ADAM28: variants seen among roughly 807,000 people sequenced by gnomAD.
ADAM28 encodes disintegrin and metalloproteinase domain-containing protein 28.
ADAM28 carries 105 observed loss-of-function variants against 101.2 expected under a neutral mutation model. That is an observed-to-expected ratio of 1.04 (90% CI 0.89 to 1.22). ADAM28 has a LOEUF of 1.22. ADAM28 is among the 50% of genes most tolerant of loss of function. The probability of loss-of-function intolerance (pLI) is 0.00; values close to 1 mark genes in which losing one functional copy is unlikely to be tolerated. For synonymous variants in ADAM28, 322 were observed against 310.6 expected, an observed-to-expected ratio of 1.04 and a Z score of -0.39; for missense variants, 1,028 against 945.4, an observed-to-expected ratio of 1.09 and a Z score of -1.15.
At chr8:24,353,724 G>A in intron 21 of ADAM28, 46 bp from the exon 22 acceptor site, 2 of 1,171,684 alleles carry the variant, frequency 1.7e-6, no homozygotes, top group Non-Finnish European at 2.6e-6. Flanking sequence ...GATGGGACAA[G>A]CATAGCATTT....
intron 5 of ADAM28, among the ~76,000 whole-genome samples, chr8:24,312,746 C>CT (rs144940431): frequency 0.014 from 2,067 of 152,102 alleles, 50 homozygotes; most frequent in African/African-American, 0.047. Flanking sequence ...TTTATTTTTG[C>CT]TGTCTACCCT....
At position 24,335,496 on chromosome 8, in the gene ADAM28, G is replaced by T. The variant is rs775361152; in HGVS notation, c.1422G>T (p.Leu474=). Residue 474 remains leucine (L), a synonymous_variant, in exon 14 of 23, where the codon CTG becomes CTT. Transcript: ENST00000265769. ...VCRPAKDECD[L]PEMCNGKSGN... ...GACCAGCAAAAGATGAGTGCGACCT[G>T]CCTGAAATGTGTAATGGTAAATCTG... 4.3e-6 allele frequency: 7 copies of T among 1,614,142 alleles called. No homozygotes were observed. In the Admixed American group the frequency reaches 1.0e-4, roughly 23 times the overall value.
At chr8:24,349,604 TTATC>T (rs1379385867) in intron 18 of ADAM28, among the ~76,000 whole-genome samples, 2 of 152,220 alleles carry the variant, frequency 1.3e-5, no homozygotes, top group Non-Finnish European at 2.9e-5. Flanking sequence ...GTTACAAACA[TTATC>T]TAAGTATTCT....
rs555577712 is a variant in ADAM28, at chr8:24,326,621, G to T, written c.958G>T (p.Val320Phe). 7 of 1,611,664 alleles carry T rather than the reference G, an allele frequency of 4.3e-6. No individual in the cohort carries two copies. The highest frequency in any genetic ancestry group is 2.2e-5 in the South Asian group (2 of 90,900). The change falls in exon 10 of 23, where the codon GTT (valine) becomes TTT (phenylalanine). Residue 320 changes from valine (V) to phenylalanine (F), a missense_variant. Val to Phe is a conservative substitution (Grantham distance 50). Coordinates refer to ENST00000265769, the MANE Select transcript of ADAM28 (RefSeq NM_014265.6). ...GTCTACAATGTGTTCTCCTTATTCTGTTGGCGTTGTTCAGGTCTGTATGAT... is the reference window on the plus strand; with the variant it reads ...GTCTACAATGTGTTCTCCTTATTCTTTTGGCGTTGTTCAGGTCTGTATGAT... ...FMSTMCSPYS[V>F]GVVQDHSDNL...
chr8:24,307,831 A>G (rs1809903362), intron 2 of ADAM28, among the ~76,000 whole-genome samples: 1 of 152,154 alleles, frequency 6.6e-6, no homozygotes, highest in South Asian at 2.1e-4. Context: ...CTTACAGCAC[A>G]ATTCCTCCCT....
rs193170736 is a variant in ADAM28 at position 24,298,242 on chromosome 8, A to T, written c.47-1732A>T. 1.7e-3 allele frequency among the ~76,000 whole-genome samples: 260 copies of T among 152,270 alleles called. 2 individuals are homozygous for T. Among genetic ancestry groups the T allele is most frequent in the African/African-American group, 5.9e-3 (245 of 41,556 alleles). On this transcript the variant is annotated intron_variant, in intron 1 of 22. Transcript: ENST00000265769. ...AGTGCCATGGCTTTAAGTAATTTTG[A>T]ATTTTTTTTTAGAGTAACTCTTACA... is the stretch of plus-strand genomic sequence containing the variant.
intron 15 of ADAM28, chr8:24,341,396 G>A (rs1341257069): frequency 7.3e-6 from 4 of 549,332 alleles, no homozygotes; most frequent in Non-Finnish European, 1.3e-5. Context: ...AGGGATCTAG[G>A]TAATACTGTT....
At chr8:24,308,176 C>T (rs1286133581) in intron 2 of ADAM28, among the ~76,000 whole-genome samples, 2 of 152,128 alleles carry the variant, frequency 1.3e-5, no homozygotes, top group Admixed American at 6.5e-5. Flanking sequence ...AGTGAGTGCT[C>T]TCCAAATCAA....
At chr8:24,326,755 T>G (rs1202930554) in intron 10 of ADAM28, 120 bp downstream of exon 10, 2 of 861,524 alleles carry the variant, frequency 2.3e-6, no homozygotes, top group Non-Finnish European at 3.4e-6. Flanking sequence ...TAAATAACAC[T>G]GATTGAATTT....
chr8:24,309,798 A>T, intron 2 of ADAM28, 96 bp from the exon 3 acceptor site: 1 of 939,598 alleles, frequency 1.1e-6, no homozygotes, highest in Non-Finnish European at 1.6e-6. Flanking sequence ...TACTGCTAAA[A>T]AATAGATATT....
intron 6 of ADAM28, among the ~76,000 whole-genome samples, chr8:24,318,236 C>T (rs1463833643): frequency 6.6e-6 from 1 of 151,958 alleles, no homozygotes; most frequent in Non-Finnish European, 1.5e-5. Flanking sequence ...GGCCTCTTAT[C>T]CCTCTGTTTC....
In ADAM28 at chr8:24,328,444, G is replaced by T. The variant is rs78446893; in HGVS notation, c.973-1541G>T. Among the ~76,000 whole-genome samples, 848 of 151,806 alleles carry T rather than the reference G, an allele frequency of 5.6e-3. 22 individuals are homozygous for T. The East Asian group carries it at 0.1, about 19-fold the overall frequency. On this transcript the variant is annotated intron_variant, in intron 10 of 22. Transcript: ENST00000265769. ...TCTTTTGAGTCTGGGTTTGTGATAG[G>T]CTTCATGGATGTACAGAAGAAGTAA...
intron 2 of ADAM28, among the ~76,000 whole-genome samples, chr8:24,304,916 CAA>C (rs201577045): frequency 2.2e-4 from 28 of 128,332 alleles, no homozygotes; most frequent in African/African-American, 5.8e-4. Context: ...AACTCCTTCT[CAA>C]AAAAAAAAAA....
chr8:24,343,420 T>C, intron 17 of ADAM28, 86 bp from the exon 18 acceptor site: 1 of 1,385,784 alleles, frequency 7.2e-7, no homozygotes, highest in Non-Finnish European at 1.0e-6. Flanking sequence ...TATTCCTTTT[T>C]CTGCATGAAC....
Position 24,342,351 on chromosome 8 carries a change from A to G in ADAM28, c.1830+594A>G, listed in dbSNP as rs2129328312. ...CAATCCTCAGAATATTATCCTATTT[A>G]CTTAAACTGATTTGGCTATTTAAAT... On this transcript the variant is annotated intron_variant, in intron 16 of 22. Coordinates refer to ENST00000265769, the MANE Select transcript of ADAM28 (RefSeq NM_014265.6). Among the ~76,000 whole-genome samples the G allele has an allele frequency of 1.3e-5, 2 of 152,302 alleles. 1 individual carries two copies. The highest frequency in any genetic ancestry group is 4.1e-4 in the South Asian group (2 of 4,830).
rs548967270 is a variant in ADAM28 at position 24,307,441 on chromosome 8, G to C, written c.151-2453G>C. Among the ~76,000 whole-genome samples the C allele has an allele frequency of 1.1e-4, 17 of 152,256 alleles. 1 individual carries two copies. The highest frequency in any genetic ancestry group is 4.6e-4 in the Admixed American group (7 of 15,280). ...ACATGCCACATTGCTTAATATTTCAGCTAGACTGAAATAATCCTGTGTAAA... is the reference window on the plus strand; with the variant it reads ...ACATGCCACATTGCTTAATATTTCACCTAGACTGAAATAATCCTGTGTAAA... On this transcript the variant is annotated intron_variant, in intron 2 of 22. Coordinates refer to ENST00000265769, the MANE Select transcript of ADAM28 (RefSeq NM_014265.6).
intron 6 of ADAM28, among the ~76,000 whole-genome samples, chr8:24,318,903 T>G (rs953621510): frequency 1.3e-5 from 2 of 151,954 alleles, no homozygotes; most frequent in African/African-American, 4.8e-5. Flanking sequence ...ATCAATCCAG[T>G]GCTATTTTTA....
rs1237468529 is a variant in ADAM28 at position 24,312,501 on chromosome 8, G to A, written c.384-887G>A. ...TAGTCCATCTACCATGATTCCTTATGCAGACCATTGCAATAAACCCCATAA... is the reference window on the plus strand; with the variant it reads ...TAGTCCATCTACCATGATTCCTTATACAGACCATTGCAATAAACCCCATAA... On this transcript the variant is annotated intron_variant, in intron 5 of 22. Transcript: ENST00000265769. 2.6e-5 allele frequency among the ~76,000 whole-genome samples: 4 copies of A among 152,038 alleles called. No individual in the cohort carries two copies. In the East Asian group the frequency reaches 7.7e-4, roughly 29 times the overall value.
chr8:24,339,395 T>C (rs1406654532), intron 14 of ADAM28, 71 bp from the exon 15 acceptor site: 1 of 1,214,168 alleles, frequency 8.2e-7, no homozygotes, highest in South Asian at 1.4e-5. Context: ...CTTTAAAATC[T>C]TTTATTTTCA....
Sources: allele counts gnomAD v4.1 joint callset (sites outside exome capture counted in the v4.1 genomes callset), GRCh38; gene constraint gnomAD v4.1.1; transcripts MANE v1.5; gene names NCBI Gene and HGNC (gene_info 2026-07-23, HGNC 2026-07-21).